Variants in ZNF814 observed in about 807,000 individuals in gnomAD.
ZNF814 encodes zinc finger protein 814.
In ZNF814, 5 loss-of-function variants were observed where a neutral mutation model predicts 7.5. That is an observed-to-expected ratio of 0.67 (90% confidence interval 0.35 to 1.40). The LOEUF (loss-of-function observed/expected upper bound fraction) is 1.40, where lower values mean the gene tolerates loss of function less well. Among genes scored for constraint, ZNF814 ranks in the 40% most tolerant of loss-of-function variants. The probability of loss-of-function intolerance (pLI) is 0.04; values close to 1 mark genes in which losing one functional copy is unlikely to be tolerated. For synonymous variants in ZNF814, 315 were observed against 340.7 expected, an observed-to-expected ratio of 0.92 and a Z score of 0.83; for missense variants, 962 against 1,018.0, an observed-to-expected ratio of 0.94 and a Z score of 0.75.
chr19:57,872,275 C>T lies in ZNF814; in HGVS notation c.*547G>A, dbSNP rs2122414046. Among the ~76,000 whole-genome samples the T allele has an allele frequency of 6.6e-6, 1 of 152,254 alleles. No homozygotes were observed. The highest frequency in any genetic ancestry group is 1.9e-4 in the East Asian group (1 of 5,186). On this transcript the variant is annotated 3_prime_UTR_variant, in exon 3 of 3. Transcript: ENST00000435989. Reference sequence around the variant, plus strand: ...TTCCATATACATCTATGGTGTTTTTCTCATGTCAATGTTTGAGGCTCCAAT... The same window carrying T: ...TTCCATATACATCTATGGTGTTTTTTTCATGTCAATGTTTGAGGCTCCAAT...
At chr19:57,892,481 A>T (rs1369877158), upstream of ZNF814, among the ~76,000 whole-genome samples, 1 of 152,186 alleles carries the variant, frequency 6.6e-6, no homozygotes, top group African/African-American at 2.4e-5. Flanking sequence ...CCTAAGAGTT[A>T]GGGGGTTAGA....
At chr19:57,904,917 G>A in the ZNF814 span, among the ~76,000 whole-genome samples, 5 of 152,068 alleles carry the variant, frequency 3.3e-5, no homozygotes, top group African/African-American at 1.2e-4. Context: ...AGGTGTGATT[G>A]TGCATGCCTA....
At chr19:57,899,900 C>T in the ZNF814 span, among the ~76,000 whole-genome samples, 2 of 152,116 alleles carry the variant, frequency 1.3e-5, no homozygotes, top group Non-Finnish European at 2.9e-5. Flanking sequence ...GGATATGATC[C>T]AAATCAAATT....
the ZNF814 span, among the ~76,000 whole-genome samples, chr19:57,898,820 A>G: frequency 6.6e-6 from 1 of 151,980 alleles, no homozygotes; most frequent in Non-Finnish European, 1.5e-5. Context: ...ATGTGCCTGT[A>G]GTCCCAGCTG....
Position 57,874,701 on chromosome 19 carries a change from C to T in ZNF814, c.689G>A (p.Ser230Asn). 1.9e-6 allele frequency: 3 copies of T among 1,579,546 alleles called. No homozygotes were observed. The highest frequency in any genetic ancestry group is 2.6e-6 in the Non-Finnish European group (3 of 1,161,446). Residue 230 changes from serine (S) to asparagine (N), a missense_variant, in exon 3 of 3, where the codon AGT becomes AAT. Transcript: ENST00000435989. ...MKHFSTKHIL[S>N]QHQRLLTREE... ...TCTAGTGAGCAGTCTCTGGTGCTGA[C>T]TGAGTATATGTTTGGTGCTAAAATG...
Position 57,872,963 on chromosome 19 carries a change from A to G in ZNF814, c.2427T>C (p.Phe809=), listed in dbSNP as rs769826487. 2.5e-6 allele frequency: 4 copies of G among 1,613,982 alleles called. No individual in the cohort carries two copies. Among genetic ancestry groups the G allele is most frequent in the Non-Finnish European group, 3.4e-6 (4 of 1,179,970 alleles). Residue 809 remains phenylalanine, a synonymous_variant, in exon 3 of 3, where the codon TTT becomes TTC. Coordinates refer to ENST00000435989, the MANE Select transcript of ZNF814 (RefSeq NM_001144989.2). ...GTTTAGTGAGACTGGAGCTTTCAGC[A>G]AAAGATTTTCCACATTCACTGCACT... ...PYECSECGKS[F]AESSSLTKHK... is the part of the protein sequence containing the mutation.
chr19:57,903,050 C>T, the ZNF814 span, among the ~76,000 whole-genome samples: 18 of 152,166 alleles, frequency 1.2e-4, no homozygotes, highest in African/African-American at 2.9e-4. Context: ...CTTGCATTAA[C>T]GACATCTTGA....
chr19:57,895,578 G>C, the ZNF814 span, among the ~76,000 whole-genome samples: 1 of 151,916 alleles, frequency 6.6e-6, no homozygotes, highest in Admixed American at 6.6e-5. Flanking sequence ...ACCTGGCCAC[G>C]TCCTTGCCTT....
Position 57,872,577 on chromosome 19 carries a change from C to CCT in ZNF814, c.*243_*244dup. The stretch of plus-strand genomic sequence containing the variant: ...TCCCACATTTGCTGCAATCACAAGA[C>CCT]CTTACTCCAGTGTGAACTCTCCTGT... On this transcript the variant is annotated 3_prime_UTR_variant, in exon 3 of 3. Coordinates refer to ENST00000435989, the MANE Select transcript of ZNF814 (RefSeq NM_001144989.2). The CCT allele has an allele frequency of 2.9e-6, 3 of 1,044,922 alleles. No individual in the cohort carries two copies. The highest frequency in any genetic ancestry group is 4.2e-6 in the Non-Finnish European group (3 of 707,054). The allele number at this position is 1,044,922 out of a possible 1,614,324, so 64.7% of individuals were successfully genotyped here.
rs79165004 is a variant in ZNF814 at position 57,883,844 on chromosome 19, A to G, written c.36+4923T>C. Among the ~76,000 whole-genome samples, 763 of 151,140 alleles carry G rather than the reference A, an allele frequency of 5.0e-3. 13 individuals carry two copies. Among genetic ancestry groups the G allele is most frequent in the African/African-American group, 0.018 (734 of 41,140 alleles). ...ACAATCTCGGCTCACTGCAACCTCCACCTCCCAGGTTCAAGTGATTCTCCT... is the reference window on the plus strand; with the variant it reads ...ACAATCTCGGCTCACTGCAACCTCCGCCTCCCAGGTTCAAGTGATTCTCCT... On this transcript the variant is annotated intron_variant, in intron 1 of 2. Transcript: ENST00000435989.
At chr19:57,879,827 C>A (rs1258082886) in intron 1 of ZNF814, among the ~76,000 whole-genome samples, 1 of 126,284 alleles carries the variant, frequency 7.9e-6, no homozygotes, top group East Asian at 2.6e-4. Context: ...CACGGTGGCT[C>A]GAGTCTGTAA....
chr19:57,878,782 A>C (rs1332102269), intron 1 of ZNF814, among the ~76,000 whole-genome samples: 3 of 152,104 alleles, frequency 2.0e-5, no homozygotes, highest in African/African-American at 7.2e-5. Flanking sequence ...AAGAGTGTGA[A>C]GTGGCCAGTC....
rs770798133 is a variant in ZNF814 at position 57,872,890 on chromosome 19, C to T, written c.2500G>A (p.Gly834Arg). The part of the protein sequence containing the change: ...GEKPYKCEKC[G>R]KLFNKKSHLL... ...TGAGACTTCTTGTTAAATAATTTCC[C>T]ACATTTCTCACATTTATAAGGCTTT... Residue 834 changes from glycine to arginine, a missense_variant, in exon 3 of 3, where the codon GGG (glycine) becomes AGG (arginine). Gly to Arg is a moderately radical substitution (Grantham distance 125). Coordinates refer to ENST00000435989, the MANE Select transcript of ZNF814 (RefSeq NM_001144989.2). 4.3e-6 allele frequency: 7 copies of T among 1,612,198 alleles called. No homozygotes were observed. The highest frequency in any genetic ancestry group is 1.7e-5 in the Admixed American group (1 of 59,728).
chr19:57,904,121 G>A, the ZNF814 span, among the ~76,000 whole-genome samples: 14 of 152,210 alleles, frequency 9.2e-5, no homozygotes, highest in African/African-American at 3.4e-4. Flanking sequence ...CTTGCACTTT[G>A]TTCTCCCAAG....
At chr19:57,879,013 G>A (rs1247060988) in intron 1 of ZNF814, among the ~76,000 whole-genome samples, 1 of 152,084 alleles carries the variant, frequency 6.6e-6, no homozygotes, top group Non-Finnish European at 1.5e-5. Flanking sequence ...GGCCATTTGT[G>A]GTTATACCAA....
At chr19:57,895,816 A>G in the ZNF814 span, among the ~76,000 whole-genome samples, 1 of 152,116 alleles carries the variant, frequency 6.6e-6, no homozygotes, top group Non-Finnish European at 1.5e-5. Context: ...TCAGACCCCA[A>G]GAGAGGGTTC....
Position 57,873,529 on chromosome 19 carries a change from G to T in ZNF814, c.1861C>A (p.His621Asn), listed in dbSNP as rs774286359. Reference protein sequence around the residue: ...KSFSHKRSLVHHQRMHTGERP... With the variant: ...KSFSHKRSLVNHQRMHTGERP... Reference sequence around the variant, plus strand: ...TCTCCAGTGTGCATGCGCTGATGGTGAACAAGGCTGCGCTTATGACTAAAA... The same window carrying T: ...TCTCCAGTGTGCATGCGCTGATGGTTAACAAGGCTGCGCTTATGACTAAAA... Residue 621 changes from histidine to asparagine, a missense_variant, in exon 3 of 3, where the codon CAC becomes AAC. His to Asn is a moderately conservative substitution (Grantham distance 68). Around this residue, in one of 7 missense-constraint regions of ZNF814, gnomAD observed 665 missense variants for 551.4 expected, o/e 1.21. Transcript: ENST00000435989. 6.2e-7 allele frequency: 1 copy of T among 1,613,904 alleles called. No individual in the cohort carries two copies. Among genetic ancestry groups the T allele is most frequent in the Non-Finnish European group, 8.5e-7 (1 of 1,179,924 alleles).
intron 1 of ZNF814, among the ~76,000 whole-genome samples, chr19:57,883,174 G>GC (rs2071662310): frequency 6.8e-6 from 1 of 148,112 alleles, no homozygotes; most frequent in Non-Finnish European, 1.5e-5. Flanking sequence ...CTGGCTAATG[G>GC]GGTGAAACCC....
upstream of ZNF814, among the ~76,000 whole-genome samples, chr19:57,892,691 C>T (rs1157881571): frequency 1.3e-5 from 2 of 152,184 alleles, no homozygotes; most frequent in Non-Finnish European, 2.9e-5. Flanking sequence ...TGGAAAAGAT[C>T]CCCTTGCTAC....
Sources: gnomAD v4.1 joint callset for allele counts (sites outside exome capture counted in the v4.1 genomes callset) on GRCh38, gnomAD v4.1.1 for gene constraint, gnomAD v4.1.1 regional missense constraint, MANE v1.5 for transcripts, NCBI Gene and HGNC (gene_info 2026-07-23, HGNC 2026-07-21) for gene names.